Variants in ASCC1 observed in about 807,000 individuals in gnomAD.
ASCC1 encodes the protein ASC-1 complex subunit P50.
Under a neutral mutation model 46.6 loss-of-function variants are expected in ASCC1, and 35 were observed. The ratio of observed to expected loss-of-function variants is 0.75; its 90% CI spans 0.57 to 0.99. The LOEUF is 0.99. ASCC1 is among the 50% of genes least tolerant of loss of function. ASCC1 has a pLI of 0.00. For missense variants in ASCC1, 376 were observed against 428.7 expected (o/e 0.88, Z 1.09); for synonymous variants, 143 against 146.6 (o/e 0.98, Z 0.18).
At chr10:72,179,286 C>G (rs1331656733) in intron 5 of ASCC1, among the ~76,000 whole-genome samples, 1 of 152,160 alleles carries the variant, frequency 6.6e-6, no homozygotes, top group Non-Finnish European at 1.5e-5. Context: ...CAGGTGTGAG[C>G]CACTGCGCCC....
At chr10:72,107,398 G>A (rs188386003) in intron 9 of ASCC1, among the ~76,000 whole-genome samples, 34 of 150,482 alleles carry the variant, frequency 2.3e-4, no homozygotes, top group African/African-American at 7.6e-4. Context: ...GCCAAATACC[G>A]TGCATTTGTC....
chr10:72,168,851 G>GCACC (rs1369500067), intron 5 of ASCC1, among the ~76,000 whole-genome samples: 1 of 152,184 alleles, frequency 6.6e-6, no homozygotes, highest in Non-Finnish European at 1.5e-5. Context: ...AACCCTGCCA[G>GCACC]CACCTTGATC....
At chr10:72,151,950 A>G (rs1358593494) in intron 7 of ASCC1, among the ~76,000 whole-genome samples, 1 of 150,790 alleles carries the variant, frequency 6.6e-6, no homozygotes, top group East Asian at 1.9e-4. Context: ...CAGTCTCCCA[A>G]GGCACTGGGA....
intron 1 of ASCC1, chr10:72,215,863 T>C (rs1272459432): frequency 1.3e-5 from 2 of 152,364 alleles, no homozygotes; most frequent in African/African-American, 2.4e-5. Flanking sequence ...CCCTGAATCA[T>C]CAAAGAGAAG....
At chr10:72,102,265 G>T in intron 9 of ASCC1, 1 of 1,398,526 alleles carries the variant, frequency 7.2e-7, no homozygotes, top group South Asian at 1.2e-5. Flanking sequence ...GAACATTTTT[G>T]AAAGGGAGCT....
intron 9 of ASCC1, among the ~76,000 whole-genome samples, chr10:72,103,290 A>G (rs1270759749): frequency 1.3e-5 from 2 of 151,420 alleles, no homozygotes; most frequent in Admixed American, 6.6e-5. Context: ...CTGCCACCGC[A>G]CCCGGCTAAT....
chr10:72,118,511 G>A (rs1243342343), intron 9 of ASCC1, among the ~76,000 whole-genome samples: 7 of 152,172 alleles, frequency 4.6e-5, no homozygotes, highest in African/African-American at 1.2e-4. Context: ...TGGGCATGGT[G>A]GCTCACGCCT....
chr10:72,185,748 G>C (rs1328557465), intron 5 of ASCC1, among the ~76,000 whole-genome samples: 1 of 152,038 alleles, frequency 6.6e-6, no homozygotes, highest in Non-Finnish European at 1.5e-5. Flanking sequence ...TGTTACACTG[G>C]TGTATACCTT....
intron 9 of ASCC1, among the ~76,000 whole-genome samples, chr10:72,104,284 C>T (rs951830100): frequency 1.3e-5 from 2 of 152,192 alleles, no homozygotes; most frequent in Non-Finnish European, 2.9e-5. Flanking sequence ...TGTTCTTTCA[C>T]TTGCTGTTCC....
chr10:72,201,802 T>C (rs1460326066), intron 4 of ASCC1, among the ~76,000 whole-genome samples: 2 of 152,004 alleles, frequency 1.3e-5, no homozygotes, highest in East Asian at 3.9e-4. Context: ...TAGCCAGGTG[T>C]GGTGGCGTGT....
At chr10:72,109,291 T>A (rs1842673871) in intron 9 of ASCC1, among the ~76,000 whole-genome samples, 1 of 152,086 alleles carries the variant, frequency 6.6e-6, no homozygotes, top group Non-Finnish European at 1.5e-5. Flanking sequence ...TTTCAACCCA[T>A]CAGCAGGCCA....
intron 4 of ASCC1, among the ~76,000 whole-genome samples, chr10:72,200,658 C>G (rs1176440528): frequency 7.1e-6 from 1 of 141,504 alleles, no homozygotes; most frequent in African/African-American, 3.0e-5. Flanking sequence ...GAGCGAAACT[C>G]CATCTCAAAA....
chr10:72,169,196 T>A (rs1330420529), intron 5 of ASCC1, among the ~76,000 whole-genome samples: 3 of 152,198 alleles, frequency 2.0e-5, no homozygotes, highest in Non-Finnish European at 4.4e-5. Context: ...ACACCTGCAA[T>A]CCCAGCACTT....
At chr10:72,191,758 T>C (rs1333235450) in intron 5 of ASCC1, among the ~76,000 whole-genome samples, 1 of 151,944 alleles carries the variant, frequency 6.6e-6, no homozygotes, top group Non-Finnish European at 1.5e-5. Flanking sequence ...GCAATTCTCC[T>C]GCCTCAGCCT....
rs929923777 is a variant in ASCC1 at position 72,121,591 on chromosome 10, T to C, written c.957+6491A>G. On this transcript the variant is annotated intron_variant, in intron 9 of 9. Transcript: ENST00000672957. Reference sequence around the variant, plus strand: ...ATTCTAACACTAACTGAAAGAAAGTTGAGTAGCTATATTAATTTCAGATGG... The same window carrying C: ...ATTCTAACACTAACTGAAAGAAAGTCGAGTAGCTATATTAATTTCAGATGG... 1.1e-4 allele frequency among the ~76,000 whole-genome samples: 17 copies of C among 151,216 alleles called. No individual in the cohort carries two copies. The East Asian group carries it at 1.9e-3, about 17-fold the overall frequency.
intron 9 of ASCC1, among the ~76,000 whole-genome samples, chr10:72,125,350 A>G (rs1035043840): frequency 1.3e-5 from 2 of 152,158 alleles, no homozygotes; most frequent in Non-Finnish European, 2.9e-5. Context: ...TTAACAACCA[A>G]TACAGTTAAC....
chr10:72,131,774 C>T (rs141419940), intron 8 of ASCC1, among the ~76,000 whole-genome samples: 3 of 151,916 alleles, frequency 2.0e-5, no homozygotes, highest in Admixed American at 6.6e-5. Context: ...AATTAAAAGA[C>T]GTGCCTTAAC....
intron 8 of ASCC1, among the ~76,000 whole-genome samples, chr10:72,129,197 C>T (rs1845257596): frequency 6.6e-6 from 1 of 152,128 alleles, no homozygotes; most frequent in Admixed American, 6.5e-5. Context: ...AGATCCCAAC[C>T]CCGTGCATAT....
Position 72,136,761 on chromosome 10 carries a change from G to A in ASCC1, c.747-3580C>T, listed in dbSNP as rs965218629. ...ATGAGCTCTAACACAACGAGGGTCT[G>A]CGGCTTCATTCCTGAAGTCAGCAAG... On this transcript the variant is annotated intron_variant, in intron 7 of 9. Coordinates refer to ENST00000672957, the MANE Select transcript of ASCC1 (RefSeq NM_001198800.3). 2.0e-5 allele frequency among the ~76,000 whole-genome samples: 3 copies of A among 152,068 alleles called. No homozygotes were observed. In the Admixed American group the frequency reaches 2.0e-4, roughly 10 times the overall value.
Sources: allele counts gnomAD v4.1 joint callset (sites outside exome capture counted in the v4.1 genomes callset), GRCh38; gene constraint gnomAD v4.1.1; transcripts MANE v1.5; gene names NCBI Gene and HGNC (gene_info 2026-07-23, HGNC 2026-07-21).